Variants in CDH20 observed in about 807,000 individuals in gnomAD.
CDH20 encodes cadherin-20.
A neutral mutation model predicts 74.2 loss-of-function variants in CDH20; 29 were observed. The observed-to-expected ratio is 0.39, with a 90% CI of 0.29 to 0.53. The LOEUF (loss-of-function observed/expected upper bound fraction) is 0.53. Among genes scored for constraint, CDH20 ranks in the 20% least tolerant of loss-of-function variants. The pLI, the probability that CDH20 is intolerant of heterozygous loss-of-function variation, is 0.69. For missense variants in CDH20, 988 were observed against 1,048.3 expected, an observed-to-expected ratio of 0.94 and a Z score of 0.79; for synonymous variants, 469 against 405.4, an observed-to-expected ratio of 1.16 and a Z score of -1.88.
chr18:61,398,278 T>G (rs1373292719), intron 1 of CDH20, among the ~76,000 whole-genome samples: 1 of 152,218 alleles, frequency 6.6e-6, no homozygotes, highest in Non-Finnish European at 1.5e-5. Flanking sequence ...GCTTTGTAAT[T>G]GATAGTTCTT....
At chr18:61,348,106 TG>T (rs200971875) in intron 1 of CDH20, among the ~76,000 whole-genome samples, 1 of 151,750 alleles carries the variant, frequency 6.6e-6, no homozygotes, top group African/African-American at 2.4e-5. Context: ...TTCATTTTTT[TG>T]GGGGGGTGGT....
At chr18:61,515,093 C>T (rs905132235) in intron 6 of CDH20, among the ~76,000 whole-genome samples, 1 of 152,152 alleles carries the variant, frequency 6.6e-6, no homozygotes, top group African/African-American at 2.4e-5. Flanking sequence ...GCGCCCCTCC[C>T]CCAGACTCGC....
intron 1 of CDH20, among the ~76,000 whole-genome samples, chr18:61,396,070 T>TGTGG (rs1197693404): frequency 7.9e-4 from 121 of 152,242 alleles, no homozygotes; most frequent in African/African-American, 2.8e-3. Flanking sequence ...TGTGTGTGTG[T>TGTGG]GTTCATGCAC....
chr18:61,425,301 A>T (rs1913034113), intron 1 of CDH20, among the ~76,000 whole-genome samples: 1 of 152,182 alleles, frequency 6.6e-6, no homozygotes, highest in Non-Finnish European at 1.5e-5. Flanking sequence ...CCGGGAAGTG[A>T]TGGGAACTTC....
chr18:61,415,403 G>T (rs1912649065), intron 1 of CDH20, among the ~76,000 whole-genome samples: 1 of 152,140 alleles, frequency 6.6e-6, no homozygotes, highest in Admixed American at 6.6e-5. Flanking sequence ...GCATTGTAAA[G>T]GATGAAACAG....
intron 1 of CDH20, among the ~76,000 whole-genome samples, chr18:61,394,859 G>A (rs1307712301): frequency 4.0e-5 from 6 of 151,630 alleles, no homozygotes; most frequent in Admixed American, 1.3e-4. Context: ...CCCTCACCCT[G>A]TCTCTCTCCA....
intron 1 of CDH20, among the ~76,000 whole-genome samples, chr18:61,489,028 C>A (rs1399160079): frequency 6.6e-6 from 1 of 152,216 alleles, no homozygotes; most frequent in Non-Finnish European, 1.5e-5. Flanking sequence ...CTTGCTTTTT[C>A]TTAACACTCA....
At chr18:61,469,463 T>A (rs1260053090) in intron 1 of CDH20, among the ~76,000 whole-genome samples, 1 of 152,086 alleles carries the variant, frequency 6.6e-6, no homozygotes, top group African/African-American at 2.4e-5. Flanking sequence ...ACACAGGTGA[T>A]CTGGCTGCTT....
intron 10 of CDH20, among the ~76,000 whole-genome samples, chr18:61,548,921 T>C (rs1245146272): frequency 6.6e-6 from 1 of 152,228 alleles, no homozygotes; most frequent in Non-Finnish European, 1.5e-5. Context: ...ACCAGAAATA[T>C]TGATAATCAC....
At chr18:61,416,753 C>A (rs966301040) in intron 1 of CDH20, among the ~76,000 whole-genome samples, 2 of 152,172 alleles carry the variant, frequency 1.3e-5, no homozygotes, top group African/African-American at 2.4e-5. Flanking sequence ...GCCTTACAGC[C>A]TTTTAGCTGG....
chr18:61,356,110 C>A (rs1910487988), intron 1 of CDH20, among the ~76,000 whole-genome samples: 1 of 152,184 alleles, frequency 6.6e-6, no homozygotes, highest in Non-Finnish European at 1.5e-5. Flanking sequence ...CCCAAGGGTT[C>A]TCCAGCTTTA....
At chr18:61,475,792 C>A (rs1910357364) in intron 1 of CDH20, among the ~76,000 whole-genome samples, 2 of 152,126 alleles carry the variant, frequency 1.3e-5, no homozygotes, top group Admixed American at 6.5e-5. Context: ...CAGACATAAT[C>A]CGAAGTTTTG....
intron 1 of CDH20, among the ~76,000 whole-genome samples, chr18:61,429,947 T>G (rs1191662441): frequency 6.6e-6 from 1 of 152,180 alleles, no homozygotes; most frequent in Non-Finnish European, 1.5e-5. Flanking sequence ...CTCCTATATA[T>G]TGTGTCACAT....
chr18:61,462,712 A>G (rs2144361417), intron 1 of CDH20, among the ~76,000 whole-genome samples: 1 of 79,752 alleles, frequency 1.3e-5, no homozygotes, highest in South Asian at 4.9e-4. Context: ...TGAATATCTT[A>G]CAAAAAAAAA....
chr18:61,339,451 T>C (rs527577915), intron 1 of CDH20, among the ~76,000 whole-genome samples: 8 of 151,500 alleles, frequency 5.3e-5, no homozygotes, highest in Non-Finnish European at 1.2e-4. Context: ...ATAATGACCA[T>C]TGTACCCCAT....
At chr18:61,469,099 C>T (rs1297822601) in intron 1 of CDH20, among the ~76,000 whole-genome samples, 2 of 152,090 alleles carry the variant, frequency 1.3e-5, no homozygotes, top group East Asian at 3.9e-4. Flanking sequence ...ACTGCAATAG[C>T]ACTGTGATTC....
At chr18:61,375,485 C>CTTCGTGCTAT (rs1402861048) in intron 1 of CDH20, among the ~76,000 whole-genome samples, 1 of 152,082 alleles carries the variant, frequency 6.6e-6, no homozygotes, top group African/African-American at 2.4e-5. Context: ...AAAAACAATC[C>CTTCGTGCTAT]TTCGTGCTAC....
chr18:61,423,647 A>G (rs1214539734), intron 1 of CDH20, among the ~76,000 whole-genome samples: 2 of 152,074 alleles, frequency 1.3e-5, no homozygotes, highest in African/African-American at 4.8e-5. Flanking sequence ...CCACTGTTTA[A>G]TCATGATGTA....
chr18:61,504,619 T>A (rs1461334807), intron 5 of CDH20, among the ~76,000 whole-genome samples: 1 of 151,998 alleles, frequency 6.6e-6, no homozygotes, highest in East Asian at 1.9e-4. Context: ...GAGAAGCAGA[T>A]GCCTGAAGGA....
Sources: gnomAD v4.1 joint callset for allele counts (sites outside exome capture counted in the v4.1 genomes callset) on GRCh38, gnomAD v4.1.1 for gene constraint, MANE v1.5 for transcripts, NCBI Gene and HGNC (gene_info 2026-07-23, HGNC 2026-07-21) for gene names.